Variants in GPHN observed in about 807,000 individuals in gnomAD.
GPHN encodes the protein gephyrin.
In GPHN, 17 loss-of-function variants were observed where a neutral mutation model predicts 95.5. The ratio of observed to expected loss-of-function variants is 0.18; its 90% confidence interval spans 0.12 to 0.27. The LOEUF (loss-of-function observed/expected upper bound fraction) is 0.27, where lower values mean the gene tolerates loss of function less well. GPHN is among the 10% of genes least tolerant of loss of function. The pLI is 1.00. For missense variants in GPHN, 660 were observed against 978.1 expected, an observed-to-expected ratio of 0.67 and a Z score of 4.34; for synonymous variants, 320 against 322.5, an observed-to-expected ratio of 0.99 and a Z score of 0.08.
chr14:67,358,404 C>G, the GPHN span, among the ~76,000 whole-genome samples: 2 of 152,200 alleles, frequency 1.3e-5, no homozygotes, highest in African/African-American at 2.4e-5. Flanking sequence ...TTGAATATAA[C>G]TTTTATTTTA....
At chr14:66,832,048 G>A (rs572228508) in intron 4 of GPHN, among the ~76,000 whole-genome samples, 8 of 152,272 alleles carry the variant, frequency 5.3e-5, no homozygotes, top group South Asian at 2.1e-4. Flanking sequence ...TCAGGAGGCC[G>A]AATCACGAGA....
chr14:67,111,439 G>C (rs763834989), intron 14 of GPHN, among the ~76,000 whole-genome samples: 1 of 152,108 alleles, frequency 6.6e-6, no homozygotes, highest in Admixed American at 6.5e-5. Context: ...CAAGTATTTG[G>C]TAACCTTGGC....
the GPHN span, among the ~76,000 whole-genome samples, chr14:67,494,963 T>C: frequency 1.8e-4 from 27 of 152,132 alleles, no homozygotes; most frequent in Admixed American, 6.5e-4. Context: ...AAATTTAAAA[T>C]TAAATAAAGC....
At chr14:66,556,764 T>TA (rs1471716849) in intron 1 of GPHN, among the ~76,000 whole-genome samples, 1 of 152,084 alleles carries the variant, frequency 6.6e-6, no homozygotes, top group African/African-American at 2.4e-5. Flanking sequence ...TTTACAGAAG[T>TA]ACTTTATATT....
chr14:67,378,051 G>A, the GPHN span, among the ~76,000 whole-genome samples: 47 of 151,998 alleles, frequency 3.1e-4, no homozygotes, highest in African/African-American at 1.1e-3. Flanking sequence ...AGTGGTTTGA[G>A]GTTTCTGTGA....
chr14:67,195,316 C>A, the GPHN span, among the ~76,000 whole-genome samples: 160 of 152,256 alleles, frequency 1.1e-3, no homozygotes, highest in African/African-American at 3.6e-3. Context: ...TTTCCTCCTC[C>A]CTCTCTGTGT....
chr14:67,701,382 A>G, the GPHN span, among the ~76,000 whole-genome samples: 1 of 151,374 alleles, frequency 6.6e-6, no homozygotes, highest in African/African-American at 2.4e-5. Context: ...CAACTTAATC[A>G]CATATACATT....
the GPHN span, chr14:67,199,579 C>G: frequency 1.3e-6 from 2 of 1,595,534 alleles, no homozygotes; most frequent in Admixed American, 1.7e-5. Context: ...ACCCTATCAC[C>G]GTATCTTATG....
chr14:67,366,949 T>G, the GPHN span, among the ~76,000 whole-genome samples: 3 of 152,116 alleles, frequency 2.0e-5, no homozygotes, highest in African/African-American at 7.2e-5. Flanking sequence ...TTATTGGCTT[T>G]AGAACTGGAG....
the GPHN span, among the ~76,000 whole-genome samples, chr14:67,243,223 C>T: frequency 6.6e-6 from 1 of 151,310 alleles, no homozygotes; most frequent in Non-Finnish European, 1.5e-5. Context: ...TAGTCTCGCT[C>T]TTGCCCAGGC....
At chr14:67,733,697 G>C in the GPHN span, 8 of 1,254,928 alleles carry the variant, frequency 6.4e-6, no homozygotes, top group South Asian at 9.6e-5. Context: ...AAGATTTCCA[G>C]ACTGCTAATT....
chr14:66,594,434 A>C (rs2061886403), intron 1 of GPHN, among the ~76,000 whole-genome samples: 1 of 152,202 alleles, frequency 6.6e-6, no homozygotes, highest in Non-Finnish European at 1.5e-5. Flanking sequence ...AAGCTGTGTT[A>C]ATCAAAACAG....
the GPHN span, chr14:67,487,106 G>A: frequency 1.3e-5 from 2 of 152,252 alleles, no homozygotes; most frequent in African/African-American, 4.8e-5. Flanking sequence ...TCTCAGCAAC[G>A]TAGGCAAGCA....
chr14:66,870,775 CA>C (rs1164967901), intron 4 of GPHN, among the ~76,000 whole-genome samples: 3 of 152,124 alleles, frequency 2.0e-5, no homozygotes, highest in African/African-American at 7.2e-5. Context: ...AAACTGGTAA[CA>C]TAGAAAAGTA....
At chr14:66,824,614 G>A in intron 4 of GPHN, 48 bp downstream of exon 4, 1 of 860,114 alleles carries the variant, frequency 1.2e-6, no homozygotes, top group Non-Finnish European at 2.0e-6. Context: ...ACTAATCATG[G>A]TTTTTTTAAT....
intron 1 of GPHN, among the ~76,000 whole-genome samples, chr14:66,581,505 C>T (rs988779127): frequency 2.0e-5 from 3 of 151,732 alleles, no homozygotes; most frequent in Admixed American, 6.6e-5. Context: ...ACAAAACAAC[C>T]GGAAAACAAT....
chr14:67,397,435 G>C, the GPHN span, among the ~76,000 whole-genome samples: 1 of 152,200 alleles, frequency 6.6e-6, no homozygotes, highest in East Asian at 1.9e-4. Context: ...GAGACACTCA[G>C]GGGTAATTAT....
At chr14:67,114,895 G>A (rs2078586289) in intron 16 of GPHN, among the ~76,000 whole-genome samples, 2 of 152,134 alleles carry the variant, frequency 1.3e-5, no homozygotes, top group African/African-American at 4.8e-5. Flanking sequence ...AGTAGGCTAA[G>A]GTAATGGGGT....
chr14:66,833,071 C>A (rs965829435), intron 4 of GPHN, among the ~76,000 whole-genome samples: 1 of 152,100 alleles, frequency 6.6e-6, no homozygotes, highest in African/African-American at 2.4e-5. Flanking sequence ...GTACCAAATA[C>A]AGAAATGAGA....
Sources: allele counts gnomAD v4.1 joint callset (sites outside exome capture counted in the v4.1 genomes callset), GRCh38; gene constraint gnomAD v4.1.1; transcripts MANE v1.5; gene names NCBI Gene and HGNC (gene_info 2026-07-23, HGNC 2026-07-21).